Variants in RBMX observed in about 807,000 individuals in gnomAD.
The protein encoded by RBMX is RNA binding motif protein X-linked.
Under a neutral mutation model 29.3 loss-of-function variants are expected in RBMX, and 1 was observed. The ratio of observed to expected loss-of-function variants is 0.03; its 90% confidence interval spans 0.01 to 0.16. The LOEUF is 0.16. Ranked by LOEUF, RBMX falls within the 10% of genes least tolerant of loss-of-function variation. The probability of loss-of-function intolerance (pLI) is 1.00; values close to 1 mark genes in which losing one functional copy is unlikely to be tolerated. For missense variants in RBMX, 121 were observed against 333.2 expected, an observed-to-expected ratio of 0.36 and a Z score of 4.96; for synonymous variants, 102 against 102.3, an observed-to-expected ratio of 1.00 and a Z score of 0.02.
chrX:136,873,068 T>C (rs1162152147), downstream of RBMX: 1 of 106,481 alleles, frequency 9.4e-6, no homozygotes, highest in Non-Finnish European at 1.9e-5. Context: ...AAAAAAAAAA[T>C]CCAAGTGTTG....
chrX:136,872,313 C>CA, downstream of RBMX: 1 of 1,166,709 alleles, frequency 8.6e-7, no homozygotes. Context: ...AATCAATCAG[C>CA]ACTCCACGAC....
rs903269700 is a variant in RBMX, at chrX:136,873,854, A to G, written c.*288T>C. The G allele has an allele frequency of 7.7e-5, 68 of 888,763 alleles. No individual in the cohort carries two copies. The highest frequency in any genetic ancestry group is 9.2e-5 in the Non-Finnish European group (67 of 726,080). 73.2% of individuals were successfully genotyped at this position (888,763 alleles called of 1,213,427 possible). A position where few individuals can be genotyped will look rare whatever the true frequency, so the allele number is the denominator to read the frequency against. On this transcript the variant is annotated 3_prime_UTR_variant, in exon 9 of 9. Transcript: ENST00000320676. ...CCTCATTTGCTGGGAAAAATCAGAT[A>G]GGAAGTGGCCTTTAGGGGATACTTT... is the stretch of plus-strand genomic sequence containing the variant.
At chrX:136,874,997 A>C in intron 8 of RBMX, 89 bp downstream of exon 8, 1 of 1,143,690 alleles carries the variant, frequency 8.7e-7, no homozygotes, top group Non-Finnish European at 1.2e-6. Context: ...ACATCCCTTT[A>C]AAAGCAAGCA....
At chrX:136,873,112 TTC>T (rs1402208252), downstream of RBMX, 4 of 111,169 alleles carry the variant, frequency 3.6e-5, no homozygotes, top group East Asian at 2.8e-4. Context: ...TATTGAATAT[TTC>T]TTTTTTCCAA....
chrX:136,877,332 C>A (rs1289435381), intron 4 of RBMX, among the ~76,000 whole-genome samples: 2 of 78,660 alleles, frequency 2.5e-5, no homozygotes, highest in South Asian at 2.2e-3. Flanking sequence ...AACTCTACCC[C>A]CCCCCCCCCA....
At chrX:136,871,157 CCA>C (rs1390446306), downstream of RBMX, among the ~76,000 whole-genome samples, 11 of 107,006 alleles carry the variant, frequency 1.0e-4, no homozygotes, top group Admixed American at 8.0e-4. Flanking sequence ...AAAAAATCAA[CCA>C]TAGGCGGCCA....
intron 7 of RBMX, 43 bp from the exon 8 acceptor site, chrX:136,875,211 C>T (rs1223615663): frequency 4.1e-6 from 5 of 1,209,506 alleles, no homozygotes; most frequent in Non-Finnish European, 5.6e-6. Context: ...AATCAACTTT[C>T]ATTGCAACTT....
At chrX:136,876,857 G>C (rs750560128) in intron 4 of RBMX, among the ~76,000 whole-genome samples, 94 of 105,013 alleles carry the variant, frequency 9.0e-4, no homozygotes, top group African/African-American at 3.2e-3. Context: ...ACAGGTGTGC[G>C]CCACCACACC....
Position 136,878,937 on chromosome X carries a change from G to A in RBMX, c.216+80C>T, listed in dbSNP as rs1029713567. ...GAAAAACAACGAAAACTCAAAAGCTGTCCTAGACCAGACTTGGACAACTAC... is the reference window on the plus strand; with the variant it reads ...GAAAAACAACGAAAACTCAAAAGCTATCCTAGACCAGACTTGGACAACTAC... On this transcript the variant is annotated intron_variant, in intron 3 of 8. Coordinates refer to ENST00000320676, the MANE Select transcript of RBMX (RefSeq NM_002139.4). The A allele has an allele frequency of 4.8e-5, 56 of 1,156,120 alleles. No homozygotes were observed. In the African/African-American group the frequency reaches 9.6e-4, roughly 20 times the overall value.
At chrX:136,879,157 C>T (rs373313741) in intron 2 of RBMX, 34 bp from the exon 3 acceptor site, 92 of 1,208,957 alleles carry the variant, frequency 7.6e-5, no homozygotes, top group Non-Finnish European at 9.6e-5. Context: ...TAAAGTGTTA[C>T]CCTAGGTCAA....
chrX:136,874,819 T>C, intron 8 of RBMX: 1 of 416,108 alleles, frequency 2.4e-6, no homozygotes, highest in South Asian at 7.7e-5. Context: ...AATTTTTAAA[T>C]TGTATTTTCA....
downstream of RBMX, among the ~76,000 whole-genome samples, chrX:136,872,061 C>A (rs1432871939): frequency 3.6e-5 from 4 of 111,446 alleles, no homozygotes; most frequent in Admixed American, 9.6e-5. Flanking sequence ...CATGAATGAG[C>A]CAGACTCACG....
chrX:136,870,718 C>CT (rs2148708645), downstream of RBMX, among the ~76,000 whole-genome samples: 1 of 101,027 alleles, frequency 9.9e-6, no homozygotes, highest in South Asian at 4.8e-4. Context: ...GTAGTCCCAG[C>CT]TACTTGGGGA....
intron 4 of RBMX, among the ~76,000 whole-genome samples, chrX:136,877,609 C>A (rs1202821329): frequency 9.2e-6 from 1 of 109,238 alleles, no homozygotes; most frequent in Non-Finnish European, 1.9e-5. Flanking sequence ...TGCCACCACG[C>A]CCAGCTAACT....
At chrX:136,880,261 G>C (rs1465165045) in intron 1 of RBMX, among the ~76,000 whole-genome samples, 1 of 111,900 alleles carries the variant, frequency 8.9e-6, no homozygotes, top group Non-Finnish European at 1.9e-5. Flanking sequence ...GAAGCCCGCA[G>C]CCCGCATGGA....
Position 136,876,622 on chromosome X carries a change from C to A in RBMX, c.422G>T (p.Ser141Ile). The A allele has an allele frequency of 4.2e-6, 5 of 1,201,553 alleles. No homozygotes were observed. Among genetic ancestry groups the A allele is most frequent in the Non-Finnish European group, 5.6e-6 (5 of 891,511 alleles). ...TACTGGGAGTGGTCCCCTGGAAGAA[C>A]TCATGTTAAAATTCATGGAATATCC... ...DGGYSMNFNM[S>I]SSRGPLPVKR... The change falls in exon 5 of 9, where the codon AGT becomes ATT. Residue 141 changes from serine to isoleucine, a missense_variant. Transcript: ENST00000320676.
intron 1 of RBMX, among the ~76,000 whole-genome samples, chrX:136,880,014 C>T (rs1259381422): frequency 2.7e-5 from 3 of 112,201 alleles, no homozygotes; most frequent in East Asian, 5.6e-4. Flanking sequence ...AAAAACAAAT[C>T]GTCAACATCG....
At chrX:136,876,169 G>A (rs772242033) in intron 5 of RBMX, among the ~76,000 whole-genome samples, 26 of 88,547 alleles carry the variant, frequency 2.9e-4, no homozygotes, top group Admixed American at 1.3e-3. Context: ...CTGTTGCCAC[G>A]CTGGAGGACA....
downstream of RBMX, among the ~76,000 whole-genome samples, chrX:136,871,900 G>A (rs561795337): frequency 7.9e-5 from 8 of 101,770 alleles, no homozygotes; most frequent in South Asian, 1.5e-3. Flanking sequence ...TGGTCTGCCC[G>A]CCTTGGCCTC....
Sources: gnomAD v4.1 joint callset for allele counts (sites outside exome capture counted in the v4.1 genomes callset) on GRCh38, gnomAD v4.1.1 for gene constraint, MANE v1.5 for transcripts, NCBI Gene and HGNC (gene_info 2026-07-23, HGNC 2026-07-21) for gene names.